CTNNA2: variants seen among roughly 807,000 people sequenced by gnomAD.
CTNNA2 encodes catenin alpha 2.
In CTNNA2, 42 loss-of-function variants were observed where a neutral mutation model predicts 101.0. The ratio of observed to expected loss-of-function variants is 0.42; its 90% CI spans 0.32 to 0.54. The LOEUF is 0.54. CTNNA2 is among the 20% of genes least tolerant of loss of function. CTNNA2 has a pLI of 0.14. For synonymous variants in CTNNA2, 450 were observed against 456.4 expected, an observed-to-expected ratio of 0.99 and a Z score of 0.18; for missense variants, 871 against 1,223.1, an observed-to-expected ratio of 0.71 and a Z score of 4.29.
At chr2:79,196,161 T>A (rs940399924) in intron 1 of CTNNA2, among the ~76,000 whole-genome samples, 1 of 152,166 alleles carries the variant, frequency 6.6e-6, no homozygotes, top group East Asian at 1.9e-4. Flanking sequence ...CACGAACTCC[T>A]GACCTCGTGA....
At chr2:79,659,834 A>T (rs893055652) in intron 2 of CTNNA2, among the ~76,000 whole-genome samples, 16 of 152,132 alleles carry the variant, frequency 1.1e-4, no homozygotes, top group African/African-American at 3.6e-4. Flanking sequence ...AGTCTCTACT[A>T]AAAGTTTTTA....
intron 7 of CTNNA2, among the ~76,000 whole-genome samples, chr2:80,270,381 A>G (rs2149138059): frequency 6.6e-6 from 1 of 152,324 alleles, no homozygotes; most frequent in Admixed American, 6.5e-5. Context: ...GATGTACTAA[A>G]AGGCTTTCTT....
At chr2:80,030,297 A>G (rs1365040028) in intron 7 of CTNNA2, among the ~76,000 whole-genome samples, 1 of 151,978 alleles carries the variant, frequency 6.6e-6, no homozygotes, top group Non-Finnish European at 1.5e-5. Flanking sequence ...TCCCAGCACT[A>G]GCTCCTCTTC....
intron 9 of CTNNA2, among the ~76,000 whole-genome samples, chr2:80,474,852 A>G (rs975325137): frequency 3.3e-5 from 5 of 152,212 alleles, no homozygotes; most frequent in African/African-American, 1.2e-4. Context: ...TTGAATATTG[A>G]GATTATTTGT....
At chr2:79,758,202 C>G (rs1040684404) in intron 3 of CTNNA2, among the ~76,000 whole-genome samples, 6 of 152,122 alleles carry the variant, frequency 3.9e-5, no homozygotes, top group African/African-American at 1.4e-4. Context: ...GGTTATCAAG[C>G]ATTTTCTCTC....
At chr2:80,440,950 C>T (rs1682509314) in intron 9 of CTNNA2, among the ~76,000 whole-genome samples, 1 of 152,154 alleles carries the variant, frequency 6.6e-6, no homozygotes, top group Admixed American at 6.5e-5. Flanking sequence ...CGGTTTCTCT[C>T]CACCATCCTC....
At chr2:80,338,521 G>A (rs1231084746) in intron 7 of CTNNA2, among the ~76,000 whole-genome samples, 1 of 152,154 alleles carries the variant, frequency 6.6e-6, no homozygotes, top group Admixed American at 6.5e-5. Context: ...TGGGAGCACT[G>A]TGGGAACATG....
At chr2:80,577,458 C>G (rs942252623) in intron 13 of CTNNA2, among the ~76,000 whole-genome samples, 18 of 152,066 alleles carry the variant, frequency 1.2e-4, no homozygotes, top group Admixed American at 2.6e-4. Flanking sequence ...AGGAACTTGA[C>G]CTAGAGACCT....
intron 2 of CTNNA2, among the ~76,000 whole-genome samples, chr2:79,305,219 C>T (rs913675624): frequency 6.6e-6 from 1 of 151,294 alleles, no homozygotes; most frequent in African/African-American, 2.4e-5. Flanking sequence ...ATAGGACACA[C>T]AAATATATAT....
chr2:79,899,219 C>A (rs1684914178), intron 6 of CTNNA2, among the ~76,000 whole-genome samples: 1 of 151,696 alleles, frequency 6.6e-6, no homozygotes, highest in East Asian at 1.9e-4. Context: ...TTTGTTAAGC[C>A]CTCTAAAAAT....
At chr2:80,448,739 G>A (rs1683259859) in intron 9 of CTNNA2, among the ~76,000 whole-genome samples, 1 of 152,074 alleles carries the variant, frequency 6.6e-6, no homozygotes, top group African/African-American at 2.4e-5. Flanking sequence ...AGTAGGCAAG[G>A]AGCTGATAAA....
intron 7 of CTNNA2, among the ~76,000 whole-genome samples, chr2:80,175,147 T>G (rs1359178563): frequency 6.6e-6 from 1 of 152,166 alleles, no homozygotes; most frequent in Non-Finnish European, 1.5e-5. Flanking sequence ...AACCCACTCT[T>G]TCGGGATATA....
intron 2 of CTNNA2, among the ~76,000 whole-genome samples, chr2:79,217,948 A>G (rs987079463): frequency 4.6e-5 from 7 of 152,238 alleles, no homozygotes; most frequent in Non-Finnish European, 1.0e-4. Context: ...TGCTTAAAAT[A>G]TTTGATGAAA....
chr2:79,599,347 G>A (rs1480210695), intron 1 of CTNNA2, among the ~76,000 whole-genome samples: 2 of 152,080 alleles, frequency 1.3e-5, no homozygotes, highest in South Asian at 2.1e-4. Flanking sequence ...AAGTATTAAG[G>A]ATATAAACAG....
chr2:80,528,031 G>T (rs1428959803), intron 9 of CTNNA2, among the ~76,000 whole-genome samples: 1 of 152,086 alleles, frequency 6.6e-6, no homozygotes, highest in African/African-American at 2.4e-5. Context: ...TTGTAACTTG[G>T]TCTCCATTTT....
chr2:79,344,359 A>G (rs1007469573), intron 3 of CTNNA2, among the ~76,000 whole-genome samples: 1 of 152,168 alleles, frequency 6.6e-6, no homozygotes, highest in African/African-American at 2.4e-5. Context: ...TATTGCTCCA[A>G]TGGTTGGCAT....
chr2:79,476,306 C>G (rs1671049269), intron 4 of CTNNA2, among the ~76,000 whole-genome samples: 1 of 152,142 alleles, frequency 6.6e-6, no homozygotes, highest in Non-Finnish European at 1.5e-5. Context: ...AGTATAGGCA[C>G]AGTATCTCCT....
At chr2:79,305,499 A>T (rs1676219318) in intron 2 of CTNNA2, among the ~76,000 whole-genome samples, 1 of 150,666 alleles carries the variant, frequency 6.6e-6, no homozygotes, top group Non-Finnish European at 1.5e-5. Flanking sequence ...GTATCTTTTC[A>T]ATGTTTTATT....
rs543008939 is a variant in CTNNA2 at position 79,984,698 on chromosome 2, G to A, written c.1056+74901G>A. On this transcript the variant is annotated intron_variant, in intron 7 of 18. Transcript: ENST00000402739. ...TGTACAGAGGAGTGAACCACAGAGT[G>A]AGACTCACAGAGGCATCAGAAATGC... Among the ~76,000 whole-genome samples, 12 of 152,248 alleles carry A rather than the reference G, an allele frequency of 7.9e-5. No homozygotes were observed. In the East Asian group the frequency reaches 2.3e-3, roughly 29 times the overall value.
Sources: allele counts gnomAD v4.1 joint callset (sites outside exome capture counted in the v4.1 genomes callset), GRCh38; gene constraint gnomAD v4.1.1; transcripts MANE v1.5; gene names NCBI Gene and HGNC (gene_info 2026-07-23, HGNC 2026-07-21).